The following NUP214 variants were observed in gnomAD, a reference collection of about 807,000 sequenced individuals.
NUP214 encodes the protein nucleoporin 214.
Under a neutral mutation model 196.2 loss-of-function variants are expected in NUP214, and 79 were observed. That is an observed-to-expected ratio of 0.40 (90% CI 0.34 to 0.49). NUP214 has a LOEUF of 0.49. Ranked by LOEUF, NUP214 falls within the 20% of genes least tolerant of loss-of-function variation. The pLI is 0.58. For missense variants in NUP214, 2,468 were observed against 2,539.0 expected, an observed-to-expected ratio of 0.97 and a Z score of 0.60; for synonymous variants, 1,020 against 990.5, an observed-to-expected ratio of 1.03 and a Z score of -0.56.
At chr9:131,181,480 C>T (rs1833276595) in intron 24 of NUP214, among the ~76,000 whole-genome samples, 1 of 152,170 alleles carries the variant, frequency 6.6e-6, no homozygotes, top group South Asian at 2.1e-4. Flanking sequence ...TCCACATCCT[C>T]ACCAACACTC....
At chr9:131,131,819 G>T (rs1421709589) in intron 5 of NUP214, among the ~76,000 whole-genome samples, 1 of 151,958 alleles carries the variant, frequency 6.6e-6, no homozygotes, top group Non-Finnish European at 1.5e-5. Flanking sequence ...CTCCCGGGTA[G>T]CTGAGACTAC....
At chr9:131,133,306 T>G (rs1362387519) in intron 7 of NUP214, 97 bp downstream of exon 7, 13 of 358,230 alleles carry the variant, frequency 3.6e-5, no homozygotes, top group Admixed American at 5.4e-5. Flanking sequence ...GTGTTTGTGT[T>G]TTTTTTTTTT....
chr9:131,197,667 T>G lies in NUP214; in HGVS notation c.4173T>G (p.Ser1391=). The change falls in exon 29 of 36, where the codon TCT becomes TCG. Residue 1391 remains serine (S), a synonymous_variant. Transcript: ENST00000359428. ...GKHTEPPVTS[S]ATTTSVAPPA... is the part of the protein sequence containing the mutation. ...ACACGGAGCCCCCTGTGACATCCTC[T>G]GCAACCACCACCTCAGTAGCACCAC... 3 of 1,614,192 alleles carry G rather than the reference T, an allele frequency of 1.9e-6. No individual in the cohort carries two copies. The highest frequency in any genetic ancestry group is 2.5e-6 in the Non-Finnish European group (3 of 1,180,022).
At chr9:131,137,552 C>CT (rs11338707) in intron 9 of NUP214, among the ~76,000 whole-genome samples, 3,702 of 88,656 alleles carry the variant, frequency 0.042, 130 homozygotes, top group Middle Eastern at 0.058. Flanking sequence ...CTGGTGGTAT[C>CT]TTTTTTTTTT....
In NUP214 at chr9:131,174,233, C is replaced by G; in HGVS notation, c.3072C>G (p.Ile1024Met). The G allele has an allele frequency of 6.2e-7, 1 of 1,613,998 alleles. No homozygotes were observed. Among genetic ancestry groups the G allele is most frequent in the Non-Finnish European group, 8.5e-7 (1 of 1,179,980 alleles). ...CCCCCGTGGTTCGCACTCCTTCCAT[C>G]CAGCCCAGTCTCTTGCCCCATGCAG... ...RHAPVVRTPSIQPSLLPHAAP... is the reference protein window; with the variant it reads ...RHAPVVRTPSMQPSLLPHAAP... Residue 1024 changes from isoleucine to methionine, a missense_variant, in exon 22 of 36, where the codon ATC (isoleucine) becomes ATG (methionine). Physicochemically the swap from Ile to Met is conservative, Grantham distance 10. Transcript: ENST00000359428.
chr9:131,161,840 A>G (rs111303882), intron 18 of NUP214, among the ~76,000 whole-genome samples: 6,521 of 152,246 alleles, frequency 0.043, 190 homozygotes, highest in African/African-American at 0.086. Context: ...AGATGACATC[A>G]CCTATTACAC....
intron 30 of NUP214, among the ~76,000 whole-genome samples, chr9:131,209,737 G>T (rs966774753): frequency 1.3e-5 from 2 of 152,192 alleles, no homozygotes; most frequent in African/African-American, 4.8e-5. Context: ...GGATCTGAAA[G>T]ACTTGTAAGT....
chr9:131,161,923 G>A (rs1024311276), intron 18 of NUP214, among the ~76,000 whole-genome samples: 54 of 152,126 alleles, frequency 3.5e-4, no homozygotes, highest in African/African-American at 1.3e-3. Context: ...TCCAACCCAC[G>A]GCCTGCAGGC....
Position 131,233,717 on chromosome 9 carries a change from G to T in NUP214, c.*230G>T, listed in dbSNP as rs1426666031. ...CTGTTTCCGTACAGAACGTATGTGG[G>T]TTTTTTCAGATCACAGCCAAGAAGA... On this transcript the variant is annotated 3_prime_UTR_variant, in exon 36 of 36. Transcript: ENST00000359428. 5 of 555,686 alleles carry T rather than the reference G, an allele frequency of 9.0e-6. No individual in the cohort carries two copies. Among genetic ancestry groups the T allele is most frequent in the Non-Finnish European group, 3.3e-6 (1 of 300,260 alleles). The allele number at this position is 555,686 out of a possible 1,614,324, so 34.4% of individuals were successfully genotyped here.
At chr9:131,182,228 A>G (rs1038087510) in intron 24 of NUP214, among the ~76,000 whole-genome samples, 1 of 152,252 alleles carries the variant, frequency 6.6e-6, no homozygotes, top group Non-Finnish European at 1.5e-5. Context: ...ATAAACAAAA[A>G]TAATTTAAAA....
intron 30 of NUP214, among the ~76,000 whole-genome samples, chr9:131,206,133 A>ATTTTTTTTTTTTTTTTTTTTTT (rs58091633): frequency 2.0e-5 from 1 of 50,542 alleles, no homozygotes; most frequent in African/African-American, 7.6e-5. Flanking sequence ...TCCACATAGA[A>ATTTTTTTTTTTTTTTTTTTTTT]TTTTTTTCTT....
chr9:131,181,999 T>G (rs1389108389), intron 24 of NUP214, among the ~76,000 whole-genome samples: 1 of 152,230 alleles, frequency 6.6e-6, no homozygotes, highest in Non-Finnish European at 1.5e-5. Flanking sequence ...TGGTGTGAAG[T>G]AGAGATCCAA....
intron 31 of NUP214, among the ~76,000 whole-genome samples, chr9:131,217,476 C>T (rs1321394958): frequency 6.6e-6 from 1 of 152,224 alleles, no homozygotes; most frequent in African/African-American, 2.4e-5. Flanking sequence ...CCAAAACACA[C>T]AGCTGGCTGG....
intron 19 of NUP214, chr9:131,163,458 A>G: frequency 4.6e-6 from 2 of 433,920 alleles, no homozygotes; most frequent in East Asian, 4.1e-5. Flanking sequence ...CCATAGTAAC[A>G]GTGTCATGGT....
chr9:131,164,002 A>C (rs777566013), intron 20 of NUP214, 47 bp downstream of exon 20: 13 of 1,612,254 alleles, frequency 8.1e-6, no homozygotes, highest in Admixed American at 6.7e-5. Flanking sequence ...TTCTCTTCCA[A>C]GTACTGATAT....
chr9:131,197,767 A>G lies in NUP214; in HGVS notation c.4273A>G (p.Ile1425Val). 1 of 1,614,222 alleles carries G rather than the reference A, an allele frequency of 6.2e-7. No individual in the cohort carries two copies. The highest frequency in any genetic ancestry group is 8.5e-7 in the Non-Finnish European group (1 of 1,180,040). Residue 1425 changes from isoleucine to valine, a missense_variant, in exon 29 of 36, where the codon ATC (isoleucine) becomes GTC (valine). Physicochemically the swap from Ile to Val is conservative, Grantham distance 29 (BLOSUM62 3). Transcript: ENST00000359428. ...PVTSAGSSGV[I>V]SFGGTSLSAG... is the part of the protein sequence containing the mutation. ...CACCAGTGCAGGATCCTCTGGGGTC[A>G]TCAGTTTTGGTGGGACATCTCTAAG...
At chr9:131,175,836 C>T in intron 23 of NUP214, 1 of 588,974 alleles carries the variant, frequency 1.7e-6, no homozygotes, top group Non-Finnish European at 2.6e-6. Context: ...ATTAGAACTG[C>T]CACATTTAGT....
At chr9:131,229,526 T>C (rs1303540719) in intron 33 of NUP214, 1 of 346,416 alleles carries the variant, frequency 2.9e-6, no homozygotes, top group Non-Finnish European at 5.7e-6. Context: ...CCAGCTGTTT[T>C]CTTTACTAGT....
At chr9:131,209,628 A>G (rs1166907510) in intron 30 of NUP214, among the ~76,000 whole-genome samples, 1 of 152,152 alleles carries the variant, frequency 6.6e-6, no homozygotes, top group Non-Finnish European at 1.5e-5. Flanking sequence ...TCCTCACCTT[A>G]GGTGATCTGC....
Sources: allele counts gnomAD v4.1 joint callset (sites outside exome capture counted in the v4.1 genomes callset), GRCh38; gene constraint gnomAD v4.1.1; transcripts MANE v1.5; gene names NCBI Gene and HGNC (gene_info 2026-07-23, HGNC 2026-07-21).